ADGRL1: variants seen among roughly 807,000 people sequenced by gnomAD.
ADGRL1 encodes adhesion G protein-coupled receptor L1.
A neutral mutation model predicts 148.9 loss-of-function variants in ADGRL1; 31 were observed. The observed-to-expected ratio is 0.21, with a 90% CI of 0.16 to 0.28. The LOEUF (loss-of-function observed/expected upper bound fraction) is 0.28, where lower values mean the gene tolerates loss of function less well. Among genes scored for constraint, ADGRL1 ranks in the 10% least tolerant of loss-of-function variants. The pLI is 1.00. For synonymous variants in ADGRL1, 937 were observed against 900.3 expected (o/e 1.04, Z -0.73); for missense variants, 1,521 against 2,058.8 (o/e 0.74, Z 5.05).
At chr19:14,177,494 G>A (rs957562872) in intron 3 of ADGRL1, 37 bp downstream of exon 3, 31 of 1,587,158 alleles carry the variant, frequency 2.0e-5, no homozygotes, top group Non-Finnish European at 2.6e-5. Flanking sequence ...TTTTAGGCGG[G>A]CACTTCATCC....
chr19:14,156,292 AG>A (rs372443478), intron 16 of ADGRL1, 91 bp from the exon 17 acceptor site: 15 of 1,021,830 alleles, frequency 1.5e-5, no homozygotes, highest in African/African-American at 1.4e-4. Flanking sequence ...GCGAAATCTC[AG>A]CTGTGGCCCT....
intron 1 of ADGRL1, among the ~76,000 whole-genome samples, chr19:14,191,696 C>T (rs892156261): frequency 1.0e-4 from 15 of 143,988 alleles, no homozygotes; most frequent in African/African-American, 3.3e-4. Context: ...CTGTCTCTCT[C>T]TTTTTTTTTT....
At chr19:14,178,492 G>A (rs4458122) in intron 2 of ADGRL1, among the ~76,000 whole-genome samples, 9,076 of 151,966 alleles carry the variant, frequency 0.06, 441 homozygotes, top group Non-Finnish European at 0.086. Flanking sequence ...GCAACAGAGC[G>A]AGACCCTATC....
chr19:14,181,441 G>A (rs1971187147), intron 2 of ADGRL1, among the ~76,000 whole-genome samples: 2 of 152,128 alleles, frequency 1.3e-5, no homozygotes, highest in Non-Finnish European at 2.9e-5. Flanking sequence ...AACAGTGGCT[G>A]GGCGCGGTGG....
intron 1 of ADGRL1, among the ~76,000 whole-genome samples, chr19:14,190,300 T>C (rs1275452164): frequency 6.6e-6 from 1 of 152,084 alleles, no homozygotes; most frequent in Non-Finnish European, 1.5e-5. Flanking sequence ...GAGGTCTTGC[T>C]CTGTTGCCCA....
At chr19:14,168,104 C>T (rs983794662) in intron 4 of ADGRL1, among the ~76,000 whole-genome samples, 1 of 152,104 alleles carries the variant, frequency 6.6e-6, no homozygotes, top group East Asian at 1.9e-4. Context: ...CCTCTGAAGC[C>T]CTGGGCCAGG....
At chr19:14,188,866 C>G (rs1242038390) in intron 1 of ADGRL1, among the ~76,000 whole-genome samples, 1 of 152,110 alleles carries the variant, frequency 6.6e-6, no homozygotes, top group South Asian at 2.1e-4. Flanking sequence ...TTCCACCTCC[C>G]GGGTTCAAGT....
intron 18 of ADGRL1, among the ~76,000 whole-genome samples, chr19:14,153,683 G>A (rs1968448454): frequency 6.7e-6 from 1 of 149,858 alleles, no homozygotes; most frequent in Non-Finnish European, 1.5e-5. Flanking sequence ...AGGCATGGTG[G>A]CTCACACCTG....
rs761380836 is a variant in ADGRL1, at chr19:14,182,691, G to T, written c.70+842C>A. On this transcript the variant is annotated intron_variant, in intron 2 of 22. Coordinates refer to ENST00000361434, the MANE Select transcript of ADGRL1 (RefSeq NM_014921.5). ...TGGAAGGCTGGCTCAGATGGGTCTGGGGGTGGAGGCAGCCCTCCCGGCCCA... is the reference window on the plus strand; with the variant it reads ...TGGAAGGCTGGCTCAGATGGGTCTGTGGGTGGAGGCAGCCCTCCCGGCCCA... Among the ~76,000 whole-genome samples, 280 of 152,338 alleles carry T rather than the reference G, an allele frequency of 1.8e-3. 3 individuals carry two copies. Among genetic ancestry groups the T allele is most frequent in the Middle Eastern group, 3.4e-3 (1 of 294 alleles).
rs1325704668 is a variant in ADGRL1 at position 14,161,503 on chromosome 19, C to T, written c.1319G>A (p.Gly440Asp). Residue 440 changes from glycine (G) to aspartate (D), a missense_variant, in exon 6 of 23, where the codon GGT (glycine) becomes GAT (aspartate). Physicochemically the swap from Gly to Asp is moderately conservative, Grantham distance 94. This residue lies in a region of ADGRL1 where 270 missense variants were observed against 320.4 expected (regional missense o/e 0.84). Coordinates refer to ENST00000361434, the MANE Select transcript of ADGRL1 (RefSeq NM_014921.5). This position sits in a 1 kb window ranked among gnomAD's most constrained non-coding sequence, Gnocchi z 4.4. ...RRAPLTTHPVGAINQLGPDLP... is the reference protein window; with the variant it reads ...RRAPLTTHPVDAINQLGPDLP... ...ATCAGGTCCCAGCTGGTTGATGGCA[C>T]CCACTGGGTGCGTGGTGAGGGGTGC... The T allele has an allele frequency of 2.8e-6, 4 of 1,439,834 alleles. No homozygotes were observed. The highest frequency in any genetic ancestry group is 5.4e-5 in the East Asian group (2 of 36,746). 89.2% of individuals were successfully genotyped at this position (1,439,834 alleles called of 1,614,324 possible).
In ADGRL1 at chr19:14,147,951, T is replaced by G. The variant is rs1967763131; in HGVS notation, c.*2922A>C. On this transcript the variant is annotated 3_prime_UTR_variant, in exon 23 of 23. Transcript: ENST00000361434. Reference sequence around the variant, plus strand: ...GTGGGAGGTGGGGAGGAGGCCCGAATGGACAGAAAGTTGAGGATAAGAGAA... The same window carrying G: ...GTGGGAGGTGGGGAGGAGGCCCGAAGGGACAGAAAGTTGAGGATAAGAGAA... 6.6e-6 allele frequency: 1 copy of G among 152,102 alleles called. No individual in the cohort carries two copies. The highest frequency in any genetic ancestry group is 2.1e-4 in the South Asian group (1 of 4,828). 9.4% of individuals were successfully genotyped at this position (152,102 alleles called of 1,614,324 possible).
Position 14,160,560 on chromosome 19 carries a change from A to T in ADGRL1, c.1614+33T>A. 2 of 1,494,892 alleles carry T rather than the reference A, an allele frequency of 1.3e-6. No homozygotes were observed. Among genetic ancestry groups the T allele is most frequent in the Non-Finnish European group, 1.8e-6 (2 of 1,095,782 alleles). The allele number at this position is 1,494,892 out of a possible 1,614,324, so 92.6% of individuals were successfully genotyped here. ...GGCCCTGGGCCCTGGGCCCGAGCACATGTGCCTGCCTGCGAGGGGTGGTGG... is the reference window on the plus strand; with the variant it reads ...GGCCCTGGGCCCTGGGCCCGAGCACTTGTGCCTGCCTGCGAGGGGTGGTGG... On this transcript the variant is annotated intron_variant, in intron 7 of 22. Coordinates refer to ENST00000361434, the MANE Select transcript of ADGRL1 (RefSeq NM_014921.5). This position sits in a 1 kb window ranked among gnomAD's most constrained non-coding sequence, Gnocchi z 5.9.
chr19:14,183,618 C>G lies in ADGRL1; in HGVS notation c.-16G>C, dbSNP rs1459612973. 3 of 1,561,814 alleles carry G rather than the reference C, an allele frequency of 1.9e-6. No individual in the cohort carries two copies. The highest frequency in any genetic ancestry group is 2.4e-5 in the South Asian group (2 of 84,836). On this transcript the variant is annotated 5_prime_UTR_variant, in exon 2 of 23. Transcript: ENST00000361434. Reference sequence around the variant, plus strand: ...GGCGGGCCATGGTGGCAGCCGGGTGCGTGTCCGGAGCTCTCAGTGGCCTGT... The same window carrying G: ...GGCGGGCCATGGTGGCAGCCGGGTGGGTGTCCGGAGCTCTCAGTGGCCTGT...
In ADGRL1 at chr19:14,183,641, T is replaced by C. The variant is rs1330478541; in HGVS notation, c.-39A>G. Reference sequence around the variant, plus strand: ...TGCGTGTCCGGAGCTCTCAGTGGCCTGTGCGGGGGGCTTTGCCCCACATCA... The same window carrying C: ...TGCGTGTCCGGAGCTCTCAGTGGCCCGTGCGGGGGGCTTTGCCCCACATCA... On this transcript the variant is annotated 5_prime_UTR_variant, in exon 2 of 23. Coordinates refer to ENST00000361434, the MANE Select transcript of ADGRL1 (RefSeq NM_014921.5). 6.5e-7 allele frequency: 1 copy of C among 1,531,314 alleles called. No homozygotes were observed. The highest frequency in any genetic ancestry group is 2.5e-5 in the East Asian group (1 of 40,788). 94.9% of individuals were successfully genotyped at this position (1,531,314 alleles called of 1,614,324 possible).
rs902505051 is a variant in ADGRL1 at position 14,149,708 on chromosome 19, T to G, written c.*1165A>C. ...AGGGTGCCAGGAAGGAAATGGGTTC[T>G]TTGTTTCGCTGTTGCATCTAGATTT... On this transcript the variant is annotated 3_prime_UTR_variant, in exon 23 of 23. Coordinates refer to ENST00000361434, the MANE Select transcript of ADGRL1 (RefSeq NM_014921.5). The G allele has an allele frequency of 7.9e-6, 1 of 126,640 alleles. No individual in the cohort carries two copies. The highest frequency in any genetic ancestry group is 1.7e-5 in the Non-Finnish European group (1 of 58,884). 7.8% of individuals were successfully genotyped at this position (126,640 alleles called of 1,614,324 possible).
intron 1 of ADGRL1, among the ~76,000 whole-genome samples, chr19:14,201,314 T>TTTTGGGG (rs1555692940): frequency 8.7e-6 from 1 of 115,082 alleles, no homozygotes; most frequent in African/African-American, 3.2e-5. Context: ...TTTTTTTTTT[T>TTTTGGGG]GGCGGGGTGG....
chr19:14,175,081 G>A (rs905039726), intron 3 of ADGRL1, among the ~76,000 whole-genome samples: 4 of 151,990 alleles, frequency 2.6e-5, no homozygotes, highest in Non-Finnish European at 5.9e-5. Flanking sequence ...GACCTAAAGC[G>A]ATCCCCCTGC....
chr19:14,175,031 C>G (rs1323041916), intron 3 of ADGRL1, among the ~76,000 whole-genome samples: 1 of 151,788 alleles, frequency 6.6e-6, no homozygotes, highest in Non-Finnish European at 1.5e-5. Flanking sequence ...CTAGTAGAGA[C>G]AGGGTCTTGC....
intron 1 of ADGRL1, among the ~76,000 whole-genome samples, chr19:14,191,924 C>T (rs1385446528): frequency 6.6e-6 from 1 of 152,152 alleles, no homozygotes; most frequent in East Asian, 1.9e-4. Context: ...TCTTGAGCTC[C>T]TGGCCTCAAG....
Sources: allele counts gnomAD v4.1 joint callset (sites outside exome capture counted in the v4.1 genomes callset), GRCh38; gene constraint gnomAD v4.1.1; regional missense constraint gnomAD v4.1.1; non-coding constraint Gnocchi (gnomAD v3.1); transcripts MANE v1.5; gene names NCBI Gene and HGNC (gene_info 2026-07-23, HGNC 2026-07-21).